DOCK3: variants seen among roughly 807,000 people sequenced by gnomAD.
DOCK3 encodes dedicator of cytokinesis 3.
In DOCK3, 60 loss-of-function variants were observed where a neutral mutation model predicts 265.6. The observed-to-expected ratio is 0.23, with a 90% CI of 0.18 to 0.28. The LOEUF (loss-of-function observed/expected upper bound fraction) is 0.28. Ranked by LOEUF, DOCK3 falls within the 10% of genes least tolerant of loss-of-function variation. The probability of loss-of-function intolerance (pLI) is 1.00; values close to 1 mark genes in which losing one functional copy is unlikely to be tolerated. For missense variants in DOCK3, 1,981 were observed against 2,594.3 expected (o/e 0.76, Z 5.14); for synonymous variants, 881 against 938.0 (o/e 0.94, Z 1.11).
At chr3:50,868,900 T>G (rs2047274703) in intron 3 of DOCK3, among the ~76,000 whole-genome samples, 1 of 136,050 alleles carries the variant, frequency 7.4e-6, no homozygotes, top group Admixed American at 8.0e-5. Context: ...TTGGATAATC[T>G]GTTTTTTTTT....
intron 5 of DOCK3, among the ~76,000 whole-genome samples, chr3:50,971,773 T>A (rs1224667596): frequency 2.0e-5 from 3 of 152,146 alleles, no homozygotes; most frequent in African/African-American, 4.8e-5. Context: ...TGGCCTTAGA[T>A]CCCTGCTCAG....
intron 3 of DOCK3, among the ~76,000 whole-genome samples, chr3:50,887,127 A>G (rs967197897): frequency 3.9e-5 from 6 of 152,068 alleles, no homozygotes; most frequent in African/African-American, 1.4e-4. Context: ...AAGACTAATA[A>G]AGAAGAAAAG....
At chr3:50,978,344 G>A (rs921629865) in intron 5 of DOCK3, among the ~76,000 whole-genome samples, 32 of 152,102 alleles carry the variant, frequency 2.1e-4, no homozygotes, top group African/African-American at 7.5e-4. Flanking sequence ...CTTTCTGTTT[G>A]TTAGTTTTCC....
chr3:51,377,550 G>C (rs554437508), intron 51 of DOCK3, among the ~76,000 whole-genome samples: 64 of 152,348 alleles, frequency 4.2e-4, no homozygotes, highest in Middle Eastern at 6.8e-3. Context: ...TGGTGAGGGA[G>C]GGAGGCGACA....
chr3:51,264,856 A>ATAAATAAATAAATAAC lies in DOCK3; in HGVS notation c.2355+4533_2355+4534insATAAATAAATAACTAA, dbSNP rs1273306423. ...AATAAATAAATAAATAAATAAATAAATAACTTAGATCAGAACAGAGACACA... is the reference window on the plus strand; with the variant it reads ...AATAAATAAATAAATAAATAAATAAATAAATAAATAAATAACTAACTTAGATCAGAACAGAGACACA... On this transcript the variant is annotated intron_variant, in intron 23 of 52. Coordinates refer to ENST00000266037, the MANE Select transcript of DOCK3 (RefSeq NM_004947.5). Among the ~76,000 whole-genome samples, 441 of 151,346 alleles carry ATAAATAAATAAATAAC rather than the reference A, an allele frequency of 2.9e-3. 6 individuals are homozygous for ATAAATAAATAAATAAC. Among genetic ancestry groups the ATAAATAAATAAATAAC allele is most frequent in the South Asian group, 0.014 (68 of 4,808 alleles).
chr3:51,362,571 C>G lies in DOCK3; in HGVS notation c.5190C>G (p.Val1730=). ...NPRYQGSVTN[V]SVLSSSQASP... ...GGTACCAAGGCTCAGTCACCAACGT[C>G]TCTGTTCTGTCCTCGTCCCAGGCAA... The change falls in exon 49 of 53, where the codon GTC becomes GTG. Residue 1730 remains valine (V), a synonymous_variant. Coordinates refer to ENST00000266037, the MANE Select transcript of DOCK3 (RefSeq NM_004947.5). 2 of 1,614,008 alleles carry G rather than the reference C, an allele frequency of 1.2e-6. No individual in the cohort carries two copies. Among genetic ancestry groups the G allele is most frequent in the Non-Finnish European group, 1.7e-6 (2 of 1,179,888 alleles).
chr3:51,379,296 C>T (rs1553617658), intron 51 of DOCK3, among the ~76,000 whole-genome samples: 1 of 152,248 alleles, frequency 6.6e-6, no homozygotes, highest in Non-Finnish European at 1.5e-5. Context: ...ACCACAGTGC[C>T]TTGCTTGGCC....
chr3:50,880,990 T>C (rs2047991744), intron 3 of DOCK3, among the ~76,000 whole-genome samples: 1 of 152,140 alleles, frequency 6.6e-6, no homozygotes, highest in Admixed American at 6.6e-5. Context: ...AATCAATAAA[T>C]GTAATCCATC....
intron 32 of DOCK3, among the ~76,000 whole-genome samples, chr3:51,329,672 T>C (rs1279635047): frequency 6.6e-6 from 1 of 152,162 alleles, no homozygotes; most frequent in African/African-American, 2.4e-5. Flanking sequence ...CTCATTTAGC[T>C]CCATTTAATG....
intron 5 of DOCK3, among the ~76,000 whole-genome samples, chr3:51,003,292 C>G (rs2078550787): frequency 6.6e-6 from 1 of 152,184 alleles, no homozygotes; most frequent in Admixed American, 6.5e-5. Flanking sequence ...GTACATTACT[C>G]TGTAGTCTGT....
At chr3:51,211,706 C>A (rs1228113082) in intron 13 of DOCK3, among the ~76,000 whole-genome samples, 1 of 152,158 alleles carries the variant, frequency 6.6e-6, no homozygotes, top group African/African-American at 2.4e-5. Context: ...TTTTTTATGG[C>A]TGCATAGTAT....
At chr3:51,002,731 T>C (rs115267057) in intron 5 of DOCK3, among the ~76,000 whole-genome samples, 166 of 152,328 alleles carry the variant, frequency 1.1e-3, no homozygotes, top group Middle Eastern at 6.8e-3. Context: ...CTCAGACTTA[T>C]CACCCCTCCT....
intron 6 of DOCK3, among the ~76,000 whole-genome samples, chr3:51,072,710 A>C (rs1246702471): frequency 6.6e-6 from 1 of 151,818 alleles, no homozygotes. Flanking sequence ...GCTCAGCTGA[A>C]AACATTTTTG....
At chr3:51,114,321 A>G (rs2109871553) in intron 9 of DOCK3, among the ~76,000 whole-genome samples, 1 of 152,320 alleles carries the variant, frequency 6.6e-6, no homozygotes, top group South Asian at 2.1e-4. Context: ...CGGGAGAATC[A>G]GTAGAAGCCA....
chr3:51,165,103 T>C (rs2086328727), intron 12 of DOCK3, among the ~76,000 whole-genome samples: 1 of 152,088 alleles, frequency 6.6e-6, no homozygotes, highest in African/African-American at 2.4e-5. Flanking sequence ...CACGCCCGGC[T>C]AATTTTTGTA....
intron 5 of DOCK3, among the ~76,000 whole-genome samples, chr3:51,019,679 T>G (rs2079503755): frequency 1.3e-5 from 2 of 150,896 alleles, no homozygotes; most frequent in African/African-American, 4.9e-5. Context: ...CCACCATGCA[T>G]CCATATGTTC....
intron 2 of DOCK3, among the ~76,000 whole-genome samples, chr3:50,826,477 G>A (rs1233240260): frequency 6.6e-6 from 1 of 152,132 alleles, no homozygotes; most frequent in Non-Finnish European, 1.5e-5. Context: ...GGAGCTTCCA[G>A]TTAACTTTTT....
At chr3:50,950,811 G>A (rs530681772) in intron 5 of DOCK3, among the ~76,000 whole-genome samples, 2 of 152,212 alleles carry the variant, frequency 1.3e-5, no homozygotes, top group South Asian at 4.2e-4. Flanking sequence ...CCTCCTTATT[G>A]CAATGTTACA....
At chr3:51,045,108 C>G (rs1272597144) in intron 5 of DOCK3, among the ~76,000 whole-genome samples, 1 of 152,174 alleles carries the variant, frequency 6.6e-6, no homozygotes, top group Non-Finnish European at 1.5e-5. Flanking sequence ...TTTGGGCTGT[C>G]TCAGCTTTCA....
Sources: allele counts gnomAD v4.1 joint callset (sites outside exome capture counted in the v4.1 genomes callset), GRCh38; gene constraint gnomAD v4.1.1; transcripts MANE v1.5; gene names NCBI Gene and HGNC (gene_info 2026-07-23, HGNC 2026-07-21).